PATJ: variants seen among roughly 807,000 people sequenced by gnomAD.
PATJ encodes inaD-like protein.
In PATJ, 190 loss-of-function variants were observed where a neutral mutation model predicts 224.9. That is an observed-to-expected ratio of 0.84 (90% CI 0.75 to 0.95). The LOEUF is 0.95. Ranked by LOEUF, PATJ falls within the 40% of genes least tolerant of loss-of-function variation. The probability of loss-of-function intolerance (pLI) is 0.00; values close to 1 mark genes in which losing one functional copy is unlikely to be tolerated. For missense variants in PATJ, 2,121 were observed against 2,270.3 expected (o/e 0.93, Z 1.34); for synonymous variants, 769 against 820.3 (o/e 0.94, Z 1.07).
At chr1:62,127,281 T>C (rs559533681) in intron 39 of PATJ, among the ~76,000 whole-genome samples, 63 of 152,314 alleles carry the variant, frequency 4.1e-4, no homozygotes, top group African/African-American at 1.3e-3. Flanking sequence ...CTTGTAGAAG[T>C]ATTTTTTTAT....
chr1:61,787,713 C>T (rs1648854350), intron 7 of PATJ, 41 bp from the exon 8 acceptor site: 5 of 1,456,944 alleles, frequency 3.4e-6, no homozygotes, highest in Non-Finnish European at 3.8e-6. Flanking sequence ...AGTGAAGTTA[C>T]AGCATTTATT....
intron 31 of PATJ, among the ~76,000 whole-genome samples, chr1:62,067,936 G>A (rs1656756268): frequency 6.6e-6 from 1 of 152,242 alleles, no homozygotes; most frequent in African/African-American, 2.4e-5. Context: ...GAGTAGCTGG[G>A]ACCACAGGTG....
chr1:62,148,120 TTAA>T (rs756438575), intron 41 of PATJ, among the ~76,000 whole-genome samples, 161 bp from the exon 42 acceptor site: 3,927 of 108,480 alleles, frequency 0.036, 204 homozygotes, highest in African/African-American at 0.068. Context: ...GACACTGTCT[TTAA>T]AAAAAAAAAA....
At chr1:61,896,116 G>A (rs1328770619) in intron 22 of PATJ, among the ~76,000 whole-genome samples, 2 of 152,116 alleles carry the variant, frequency 1.3e-5, no homozygotes, top group Non-Finnish European at 2.9e-5. Flanking sequence ...GACCATCATG[G>A]TGAAACCCTG....
chr1:62,157,433 A>G (rs1405289310), intron 43 of PATJ, among the ~76,000 whole-genome samples: 1 of 149,172 alleles, frequency 6.7e-6, no homozygotes, highest in East Asian at 1.9e-4. Context: ...CCTGCGAATG[A>G]TCACTGGCAC....
intron 27 of PATJ, among the ~76,000 whole-genome samples, chr1:61,962,554 A>C (rs946294308): frequency 2.0e-5 from 3 of 152,146 alleles, no homozygotes; most frequent in African/African-American, 7.2e-5. Context: ...GTGATGATGG[A>C]GGGTTTTGAA....
intron 28 of PATJ, among the ~76,000 whole-genome samples, chr1:61,992,597 A>T (rs778391240): frequency 1.3e-5 from 2 of 152,158 alleles, no homozygotes; most frequent in South Asian, 4.1e-4. Context: ...AATTTGGAAT[A>T]TGAAGATTCT....
intron 27 of PATJ, among the ~76,000 whole-genome samples, chr1:61,965,736 T>C (rs1229817458): frequency 6.6e-6 from 1 of 152,146 alleles, no homozygotes; most frequent in East Asian, 1.9e-4. Flanking sequence ...GCCCACACTC[T>C]TAGTCACTAG....
chr1:61,775,428 T>C (rs1646860184), intron 7 of PATJ, 94 bp downstream of exon 7: 1 of 1,074,822 alleles, frequency 9.3e-7, no homozygotes, highest in Non-Finnish European at 1.4e-6. Flanking sequence ...CCAGGATATA[T>C]GACTTAATAA....
chr1:62,125,775 C>T (rs1263882770), intron 39 of PATJ, among the ~76,000 whole-genome samples: 1 of 151,324 alleles, frequency 6.6e-6, no homozygotes, highest in African/African-American at 2.4e-5. Flanking sequence ...AAATTTCTTT[C>T]TTTTTTTTTC....
At chr1:61,863,389 G>C (rs948109502) in intron 19 of PATJ, among the ~76,000 whole-genome samples, 1 of 152,050 alleles carries the variant, frequency 6.6e-6, no homozygotes, top group Non-Finnish European at 1.5e-5. Flanking sequence ...GCAAGGAGAA[G>C]ACAATAGAAA....
At chr1:61,802,430 TATTA>T (rs1443873777) in intron 12 of PATJ, among the ~76,000 whole-genome samples, 3 of 152,034 alleles carry the variant, frequency 2.0e-5, no homozygotes, top group African/African-American at 4.8e-5. Flanking sequence ...TCTTTACTTA[TATTA>T]ATTATTTTAT....
chr1:61,779,458 G>A (rs1647123081), intron 7 of PATJ, among the ~76,000 whole-genome samples: 2 of 152,224 alleles, frequency 1.3e-5, no homozygotes, highest in Admixed American at 6.5e-5. Context: ...CTACATCATT[G>A]AGGGTAATTT....
intron 17 of PATJ, among the ~76,000 whole-genome samples, chr1:61,840,395 T>C (rs770050038): frequency 6.6e-6 from 1 of 152,044 alleles, no homozygotes; most frequent in Non-Finnish European, 1.5e-5. Context: ...CCTCTGACCA[T>C]AATCCCTTAC....
chr1:61,888,911 G>A (rs1259328281), intron 22 of PATJ, among the ~76,000 whole-genome samples: 1 of 152,172 alleles, frequency 6.6e-6, no homozygotes, highest in African/African-American at 2.4e-5. Flanking sequence ...TAGGAGATTA[G>A]CCTTGCACTT....
chr1:61,944,896 G>A (rs1678421880), intron 27 of PATJ, among the ~76,000 whole-genome samples: 1 of 152,194 alleles, frequency 6.6e-6, no homozygotes, highest in Admixed American at 6.5e-5. Context: ...GACTCTACAA[G>A]CCAGAAGAGA....
intron 9 of PATJ, among the ~76,000 whole-genome samples, chr1:61,794,300 T>TA (rs1296610065): frequency 6.6e-6 from 1 of 151,904 alleles, no homozygotes; most frequent in African/African-American, 2.4e-5. Context: ...CATGCGCCAT[T>TA]ACACCTAGCT....
At chr1:62,121,610 C>CA (rs994725626) in intron 38 of PATJ, among the ~76,000 whole-genome samples, 94 of 150,042 alleles carry the variant, frequency 6.3e-4, no homozygotes, top group African/African-American at 2.0e-3. Flanking sequence ...TATTAAAATA[C>CA]AAAAAAAAAT....
intron 42 of PATJ, among the ~76,000 whole-genome samples, chr1:62,149,283 C>T (rs781349395): frequency 1.3e-4 from 17 of 135,924 alleles, no homozygotes; most frequent in Non-Finnish European, 2.3e-4. Flanking sequence ...TACAGATGGG[C>T]AAAGGATCTA....
Sources: gnomAD v4.1 joint callset for allele counts (sites outside exome capture counted in the v4.1 genomes callset) on GRCh38, gnomAD v4.1.1 for gene constraint, MANE v1.5 for transcripts, NCBI Gene and HGNC (gene_info 2026-07-23, HGNC 2026-07-21) for gene names.